The following AKAP10 variants were observed in gnomAD, a reference collection of about 807,000 sequenced individuals.
AKAP10 encodes the protein A-kinase anchoring protein 10.
AKAP10 carries 24 observed loss-of-function variants against 80.8 expected under a neutral mutation model. The ratio of observed to expected loss-of-function variants is 0.30; its 90% confidence interval spans 0.22 to 0.42. The LOEUF (loss-of-function observed/expected upper bound fraction) is 0.42. AKAP10 is among the 10% of genes least tolerant of loss of function. The pLI is 1.00. For synonymous variants in AKAP10, 291 were observed against 277.7 expected (o/e 1.05, Z -0.48); for missense variants, 661 against 794.9 (o/e 0.83, Z 2.03).
chr17:19,961,421 A>G (rs1204112579), intron 3 of AKAP10, among the ~76,000 whole-genome samples: 1 of 152,126 alleles, frequency 6.6e-6, no homozygotes, highest in Non-Finnish European at 1.5e-5. Context: ...TTAAATTCTC[A>G]TCAGCAATTT....
In AKAP10 at chr17:19,946,222, TTATATATATATATATTATATATATATA is replaced by T. The variant is rs1567765318; in HGVS notation, c.976+1158_976+1184del. 5.9e-4 allele frequency among the ~76,000 whole-genome samples: 20 copies of T among 33,958 alleles called. 3 individuals are homozygous for T. The highest frequency in any genetic ancestry group is 2.0e-3 in the African/African-American group (19 of 9,716). 22.3% of individuals were successfully genotyped at this position (33,958 alleles called of 152,430 possible). On this transcript the variant is annotated intron_variant, in intron 5 of 14. Coordinates refer to ENST00000225737, the MANE Select transcript of AKAP10 (RefSeq NM_007202.4). ...CATATATTTTATATATATATATATTTTATATATATATATATTATATATATATATATATATATATATATATATATATAT... is the reference window on the plus strand; with the variant it reads ...CATATATTTTATATATATATATATTTTATATATATATATATATATATATAT...
chr17:19,921,132 GCAAA>G (rs1045167551), intron 11 of AKAP10, among the ~76,000 whole-genome samples: 10 of 150,772 alleles, frequency 6.6e-5, no homozygotes, highest in Non-Finnish European at 1.5e-5. Flanking sequence ...AATCTCATTA[GCAAA>G]CACTTAAGAC....
chr17:19,941,954 A>T (rs1465909565), intron 5 of AKAP10, 44 bp from the exon 6 acceptor site: 1 of 1,570,618 alleles, frequency 6.4e-7, no homozygotes. Context: ...CTAAATTCAA[A>T]CTATGTATAC....
intron 3 of AKAP10, among the ~76,000 whole-genome samples, chr17:19,962,293 TATACACACACACACAC>T (rs2043361443): frequency 7.6e-6 from 1 of 132,068 alleles, no homozygotes; most frequent in Non-Finnish European, 1.7e-5. Context: ...CATACATACA[TATACACACACACACAC>T]ACACACACAC....
At chr17:19,920,855 CAAAAAAAAAAA>C (rs61148312) in intron 11 of AKAP10, among the ~76,000 whole-genome samples, 27 of 35,328 alleles carry the variant, frequency 7.6e-4, no homozygotes, top group African/African-American at 1.9e-3. Flanking sequence ...GACTCTATCT[CAAAAAAAAAAA>C]AAAAAAAAAA....
At chr17:19,960,491 TC>T (rs1391689807) in intron 3 of AKAP10, among the ~76,000 whole-genome samples, 1 of 152,230 alleles carries the variant, frequency 6.6e-6, no homozygotes, top group East Asian at 1.9e-4. Context: ...ACAGCATAAT[TC>T]CCTTGATATT....
chr17:19,918,625 CTCTTAA>C (rs1462390149), intron 12 of AKAP10, among the ~76,000 whole-genome samples: 1 of 152,206 alleles, frequency 6.6e-6, no homozygotes, highest in Non-Finnish European at 1.5e-5. Context: ...TGGCCAATAG[CTCTTAA>C]TCTTAAACAT....
chr17:19,942,695 C>T (rs576692644), intron 5 of AKAP10, among the ~76,000 whole-genome samples: 12 of 152,210 alleles, frequency 7.9e-5, no homozygotes, highest in African/African-American at 2.9e-4. Flanking sequence ...TGCAGCGAAA[C>T]AATTAGCTAT....
intron 11 of AKAP10, among the ~76,000 whole-genome samples, chr17:19,920,565 A>G (rs551649528): frequency 6.6e-6 from 1 of 152,264 alleles, no homozygotes; most frequent in East Asian, 1.9e-4. Flanking sequence ...AAAAGTGGCT[A>G]GGCACTGTGG....
chr17:19,923,136 G>A (rs1456143496), intron 11 of AKAP10, among the ~76,000 whole-genome samples: 5 of 152,102 alleles, frequency 3.3e-5, no homozygotes, highest in African/African-American at 1.2e-4. Context: ...GCAGTGCAAT[G>A]GTGTGATCTT....
intron 10 of AKAP10, among the ~76,000 whole-genome samples, chr17:19,929,901 C>T (rs1476054092): frequency 2.0e-5 from 3 of 150,014 alleles, no homozygotes; most frequent in South Asian, 4.3e-4. Context: ...TGCTTGAACC[C>T]GGGAGGTGGA....
intron 4 of AKAP10, among the ~76,000 whole-genome samples, chr17:19,953,621 T>C (rs1261296027): frequency 6.6e-6 from 1 of 152,150 alleles, no homozygotes; most frequent in Non-Finnish European, 1.5e-5. Flanking sequence ...ATACAATTAA[T>C]TACTCAAAGG....
intron 10 of AKAP10, among the ~76,000 whole-genome samples, chr17:19,931,068 G>C (rs1165622641): frequency 6.6e-6 from 1 of 152,074 alleles, no homozygotes; most frequent in East Asian, 1.9e-4. Flanking sequence ...CAGCTATTCA[G>C]GAGGCTGTGG....
At chr17:19,940,417 A>G (rs1213507102) in intron 7 of AKAP10, among the ~76,000 whole-genome samples, 1 of 152,248 alleles carries the variant, frequency 6.6e-6, no homozygotes, top group Admixed American at 6.5e-5. Flanking sequence ...CCTAACAAAG[A>G]GCATTATACT....
intron 12 of AKAP10, among the ~76,000 whole-genome samples, chr17:19,914,162 G>A (rs563339070): frequency 6.6e-6 from 1 of 152,156 alleles, no homozygotes; most frequent in African/African-American, 2.4e-5. Flanking sequence ...ACCATGCCCA[G>A]CTAATTTTTA....
chr17:19,946,222 T>TTTATATATATATATATATTATATA (rs1555576593), intron 5 of AKAP10, among the ~76,000 whole-genome samples: 1 of 33,958 alleles, frequency 2.9e-5, no homozygotes, highest in Non-Finnish European at 5.4e-5. Context: ...TATATATATT[T>TTTATATATATATATATATTATATA]TATATATATA....
At chr17:19,911,373 C>T (rs1227210767) in intron 12 of AKAP10, among the ~76,000 whole-genome samples, 2 of 152,104 alleles carry the variant, frequency 1.3e-5, no homozygotes, top group Admixed American at 6.6e-5. Flanking sequence ...ATCATAAATC[C>T]GACCTTCCCT....
intron 5 of AKAP10, among the ~76,000 whole-genome samples, chr17:19,945,927 C>T (rs189616542): frequency 6.6e-6 from 1 of 151,332 alleles, no homozygotes; most frequent in African/African-American, 2.4e-5. Context: ...TGTGAATATA[C>T]GTTCACCTAA....
intron 2 of AKAP10, among the ~76,000 whole-genome samples, chr17:19,966,471 G>A (rs1229789709): frequency 1.3e-5 from 2 of 152,146 alleles, no homozygotes; most frequent in Non-Finnish European, 2.9e-5. Flanking sequence ...CAGAAGAAGT[G>A]TTCTATAAAT....
Sources: allele counts gnomAD v4.1 joint callset (sites outside exome capture counted in the v4.1 genomes callset), GRCh38; gene constraint gnomAD v4.1.1; transcripts MANE v1.5; gene names NCBI Gene and HGNC (gene_info 2026-07-23, HGNC 2026-07-21).